Variants in NR6A1 observed in about 807,000 individuals in gnomAD.
NR6A1 encodes nuclear receptor subfamily 6 group A member 1, also known as retinoic acid receptor-related testis-associated receptor.
A neutral mutation model predicts 59.1 loss-of-function variants in NR6A1; 7 were observed. The observed-to-expected ratio is 0.12, with a 90% confidence interval of 0.07 to 0.22. The LOEUF (loss-of-function observed/expected upper bound fraction) is 0.22, where lower values mean the gene tolerates loss of function less well. NR6A1 is among the 10% of genes least tolerant of loss of function. The probability of loss-of-function intolerance (pLI) is 1.00; values close to 1 mark genes in which losing one functional copy is unlikely to be tolerated. For synonymous variants in NR6A1, 243 were observed against 236.1 expected (o/e 1.03, Z -0.27); for missense variants, 468 against 611.6 (o/e 0.77, Z 2.48).
rs534312189 is a variant in NR6A1, at chr9:124,727,815, A to G, written c.142+5493T>C. Among the ~76,000 whole-genome samples the G allele has an allele frequency of 2.0e-5, 3 of 148,098 alleles. No homozygotes were observed. The South Asian group carries it at 6.4e-4, about 32-fold the overall frequency. ...TTCTCCTGCCTCAGCCTCCCAAGTA[A>G]CTGAGATTATAGGCATGTGCCACCA... On this transcript the variant is annotated intron_variant, in intron 2 of 9. Transcript: ENST00000487099.
intron 2 of NR6A1, among the ~76,000 whole-genome samples, chr9:124,564,226 C>A (rs956656386): frequency 2.0e-5 from 3 of 151,970 alleles, no homozygotes; most frequent in African/African-American, 7.2e-5. Flanking sequence ...ATGATAAAGG[C>A]TATCTGAAGA....
At chr9:124,717,906 A>G (rs570062101) in intron 2 of NR6A1, among the ~76,000 whole-genome samples, 77 of 152,258 alleles carry the variant, frequency 5.1e-4, no homozygotes, top group Non-Finnish European at 7.6e-4. Flanking sequence ...AATGTTTTAA[A>G]GTCATTAACA....
chr9:124,688,158 C>T (rs762219469), intron 2 of NR6A1, among the ~76,000 whole-genome samples: 32 of 150,850 alleles, frequency 2.1e-4, no homozygotes, highest in Non-Finnish European at 3.4e-4. Context: ...CCTGTCTGTA[C>T]AAAAAAAAAT....
intron 2 of NR6A1, among the ~76,000 whole-genome samples, chr9:124,560,706 G>A (rs891468596): frequency 6.6e-6 from 1 of 152,016 alleles, no homozygotes; most frequent in African/African-American, 2.4e-5. Context: ...GATTACAGGT[G>A]TGTGCCACCA....
intron 2 of NR6A1, among the ~76,000 whole-genome samples, chr9:124,579,624 G>A (rs1415694578): frequency 6.6e-6 from 1 of 152,156 alleles, no homozygotes; most frequent in Non-Finnish European, 1.5e-5. Flanking sequence ...AAGTGATGGT[G>A]AAAATGTGGA....
At chr9:124,763,213 C>T (rs1840828917) in intron 1 of NR6A1, among the ~76,000 whole-genome samples, 1 of 152,208 alleles carries the variant, frequency 6.6e-6, no homozygotes. Flanking sequence ...ATTTAATCAT[C>T]ATTTTTACTG....
intron 2 of NR6A1, among the ~76,000 whole-genome samples, chr9:124,698,971 G>A (rs182337358): frequency 4.6e-5 from 7 of 152,232 alleles, no homozygotes; most frequent in Admixed American, 1.3e-4. Context: ...GGCAAAAAAC[G>A]GTAGGTATAG....
At chr9:124,731,369 C>T (rs1402643631) in intron 2 of NR6A1, among the ~76,000 whole-genome samples, 1 of 136,918 alleles carries the variant, frequency 7.3e-6, no homozygotes, top group Non-Finnish European at 1.6e-5. Context: ...AACTCCATCT[C>T]GAAAAAAAAA....
At chr9:124,750,129 T>G (rs538004352) in intron 1 of NR6A1, among the ~76,000 whole-genome samples, 1 of 152,262 alleles carries the variant, frequency 6.6e-6, no homozygotes, top group African/African-American at 2.4e-5. Flanking sequence ...TATAGACACA[T>G]TGGTTACTTT....
intron 1 of NR6A1, among the ~76,000 whole-genome samples, chr9:124,761,899 T>C (rs928356522): frequency 1.3e-5 from 2 of 152,228 alleles, no homozygotes; most frequent in Admixed American, 6.5e-5. Context: ...AGGTTTCATG[T>C]AGCAGGTAAC....
chr9:124,763,769 T>C (rs767703282), intron 1 of NR6A1, among the ~76,000 whole-genome samples: 7 of 152,168 alleles, frequency 4.6e-5, no homozygotes, highest in Non-Finnish European at 8.8e-5. Flanking sequence ...AAAAAGAACA[T>C]TGCATCTGAT....
chr9:124,719,248 A>C (rs1839494656), intron 2 of NR6A1, among the ~76,000 whole-genome samples: 1 of 151,602 alleles, frequency 6.6e-6, no homozygotes, highest in Non-Finnish European at 1.5e-5. Flanking sequence ...CGCCACACCC[A>C]GCTAATTTTT....
At chr9:124,597,457 C>A (rs1835311082) in intron 2 of NR6A1, among the ~76,000 whole-genome samples, 1 of 152,122 alleles carries the variant, frequency 6.6e-6, no homozygotes, top group Admixed American at 6.5e-5. Flanking sequence ...CTCTGTCTCC[C>A]TTAAGGATAT....
intron 2 of NR6A1, among the ~76,000 whole-genome samples, chr9:124,574,654 C>T (rs1834538562): frequency 6.6e-6 from 1 of 152,144 alleles, no homozygotes; most frequent in African/African-American, 2.4e-5. Flanking sequence ...ACCCCTAGTC[C>T]CACAACTGAT....
chr9:124,743,690 A>T (rs1198872740), intron 1 of NR6A1, among the ~76,000 whole-genome samples: 2 of 152,222 alleles, frequency 1.3e-5, no homozygotes, highest in Non-Finnish European at 2.9e-5. Context: ...AAACATTTTT[A>T]AAAAATAAAG....
chr9:124,700,582 T>C (rs914583720), intron 2 of NR6A1, among the ~76,000 whole-genome samples: 5 of 152,040 alleles, frequency 3.3e-5, no homozygotes, highest in Admixed American at 3.3e-4. Context: ...CATGTACTGG[T>C]AATTCATTCC....
chr9:124,638,310 G>A (rs975791332), intron 2 of NR6A1, among the ~76,000 whole-genome samples: 12 of 151,306 alleles, frequency 7.9e-5, no homozygotes, highest in Admixed American at 6.6e-5. Flanking sequence ...GCTGGCATAG[G>A]CATCAGACTG....
At chr9:124,572,555 G>A (rs1834468523) in intron 2 of NR6A1, among the ~76,000 whole-genome samples, 1 of 152,230 alleles carries the variant, frequency 6.6e-6, no homozygotes, top group African/African-American at 2.4e-5. Flanking sequence ...CATGAAGAAA[G>A]TGAGAATCAA....
At chr9:124,577,150 C>T (rs910176022) in intron 2 of NR6A1, among the ~76,000 whole-genome samples, 1 of 152,200 alleles carries the variant, frequency 6.6e-6, no homozygotes, top group African/African-American at 2.4e-5. Flanking sequence ...GAAATATCTT[C>T]CATAAATTTG....
Sources: allele counts gnomAD v4.1 joint callset (sites outside exome capture counted in the v4.1 genomes callset), GRCh38; gene constraint gnomAD v4.1.1; transcripts MANE v1.5; gene names NCBI Gene and HGNC (gene_info 2026-07-23, HGNC 2026-07-21).